The following CADPS variants were observed in gnomAD, a reference collection of about 807,000 sequenced individuals.
CADPS encodes calcium-dependent secretion activator 1.
Under a neutral mutation model 167.3 loss-of-function variants are expected in CADPS, and 57 were observed. That is an observed-to-expected ratio of 0.34 (90% CI 0.28 to 0.42). The LOEUF is 0.42. CADPS is among the 20% of genes least tolerant of loss of function. The pLI is 1.00. For synonymous variants in CADPS, 676 were observed against 635.3 expected (o/e 1.06, Z -0.96); for missense variants, 1,414 against 1,738.1 (o/e 0.81, Z 3.32).
chr3:62,603,396 T>C lies in CADPS; in HGVS notation c.1326-10648A>G, dbSNP rs192485430. 1.1e-3 allele frequency among the ~76,000 whole-genome samples: 160 copies of C among 152,352 alleles called. 4 individuals are homozygous for C. Among genetic ancestry groups the C allele is most frequent in the Admixed American group, 0.01 (159 of 15,306 alleles). On this transcript the variant is annotated intron_variant, in intron 6 of 29. Transcript: ENST00000383710. ...AGGACAGAGACCAAGTCCATCTTAC[T>C]TATTGTTATATTCCAGTTGTTTAGC...
chr3:62,548,489 A>G (rs2076847296), intron 11 of CADPS, among the ~76,000 whole-genome samples: 1 of 152,234 alleles, frequency 6.6e-6, no homozygotes, highest in Non-Finnish European at 1.5e-5. Context: ...TCCTGGGAGC[A>G]TCTGATAGAC....
chr3:62,751,666 C>A (rs1369418652), intron 3 of CADPS, among the ~76,000 whole-genome samples: 1 of 152,088 alleles, frequency 6.6e-6, no homozygotes, highest in East Asian at 1.9e-4. Context: ...GGTAATCCAC[C>A]CGTCTTAGCC....
intron 1 of CADPS, among the ~76,000 whole-genome samples, chr3:62,808,135 A>G (rs1374886115): frequency 3.9e-5 from 6 of 152,104 alleles, no homozygotes; most frequent in African/African-American, 1.4e-4. Flanking sequence ...AGCCTCCCAA[A>G]GTGCTGGGAT....
At chr3:62,617,868 G>A (rs901276925) in intron 6 of CADPS, among the ~76,000 whole-genome samples, 17 of 152,112 alleles carry the variant, frequency 1.1e-4, no homozygotes, top group Admixed American at 7.9e-4. Context: ...GGCAAAGTTC[G>A]TGAACATCTG....
chr3:62,610,034 A>T (rs570481988), intron 6 of CADPS, among the ~76,000 whole-genome samples: 12 of 152,170 alleles, frequency 7.9e-5, no homozygotes, highest in African/African-American at 2.2e-4. Flanking sequence ...GGCTGTAGAG[A>T]GTCAAGACTG....
At chr3:62,661,814 C>A (rs1468506279) in intron 4 of CADPS, among the ~76,000 whole-genome samples, 1 of 151,968 alleles carries the variant, frequency 6.6e-6, no homozygotes, top group Non-Finnish European at 1.5e-5. Context: ...GAGATCTGAC[C>A]CACATTTAAG....
intron 23 of CADPS, among the ~76,000 whole-genome samples, chr3:62,476,776 T>G (rs2061378345): frequency 6.6e-6 from 1 of 152,202 alleles, no homozygotes. Flanking sequence ...GTGCACAGTT[T>G]AGGAACTGGT....
chr3:62,550,810 T>C (rs1382639320), intron 10 of CADPS: 3 of 456,552 alleles, frequency 6.6e-6, no homozygotes, highest in East Asian at 1.4e-4. Flanking sequence ...ATCCAATGAC[T>C]GATTAAAAGC....
At chr3:62,630,676 T>C (rs2065108274) in intron 6 of CADPS, among the ~76,000 whole-genome samples, 1 of 152,120 alleles carries the variant, frequency 6.6e-6, no homozygotes, top group African/African-American at 2.4e-5. Flanking sequence ...AGTATTCCTA[T>C]GAAGAAAATA....
chr3:62,862,198 G>A (rs1308874686), intron 1 of CADPS, among the ~76,000 whole-genome samples: 1 of 149,022 alleles, frequency 6.7e-6, no homozygotes, highest in East Asian at 2.0e-4. Flanking sequence ...TAAAAATATT[G>A]ATAGCATTGA....
chr3:62,453,573 G>A (rs2058336521), intron 26 of CADPS, among the ~76,000 whole-genome samples: 1 of 152,192 alleles, frequency 6.6e-6, no homozygotes, highest in South Asian at 2.1e-4. Flanking sequence ...TAAATTTTAA[G>A]TGCCAACTGA....
chr3:62,857,775 A>T (rs73844678), intron 1 of CADPS, among the ~76,000 whole-genome samples: 1 of 152,144 alleles, frequency 6.6e-6, no homozygotes, highest in African/African-American at 2.4e-5. Flanking sequence ...ATGTATTTCC[A>T]TATACTTTTC....
At chr3:62,806,929 C>T (rs2094131252) in intron 1 of CADPS, among the ~76,000 whole-genome samples, 3 of 152,138 alleles carry the variant, frequency 2.0e-5, no homozygotes, top group Admixed American at 2.0e-4. Context: ...TCCTCTCTAA[C>T]ATTTATAGTC....
rs2055514688 is a variant in CADPS at position 62,438,064 on chromosome 3, C to T, written c.3777+40G>A. 1 of 1,352,128 alleles carries T rather than the reference C, an allele frequency of 7.4e-7. No homozygotes were observed. Among genetic ancestry groups the T allele is most frequent in the Admixed American group, 1.7e-5 (1 of 58,252 alleles). 83.8% of individuals were successfully genotyped at this position (1,352,128 alleles called of 1,614,324 possible). ...CTTATTTTGTCACATTTTGGAGGGT[C>T]TCCTCCTTGGTTTTCAAGGAGGAGA... On this transcript the variant is annotated intron_variant, in intron 28 of 29. Transcript: ENST00000383710. This position sits in a 1 kb window ranked among gnomAD's most constrained non-coding sequence, Gnocchi z 4.7.
rs769597216 is a variant in CADPS at position 62,532,850 on chromosome 3, G to C, written c.2291+21C>G. The C allele has an allele frequency of 1.1e-5, 18 of 1,610,530 alleles. No individual in the cohort carries two copies. In the East Asian group the frequency reaches 4.0e-4, roughly 36 times the overall value. On this transcript the variant is annotated intron_variant, in intron 13 of 29. Coordinates refer to ENST00000383710, the MANE Select transcript of CADPS (RefSeq NM_003716.4). ...TGCCATTTCTTAAGGATCACCTCTAGACACACGAACACACACTTACCTGTT... is the reference window on the plus strand; with the variant it reads ...TGCCATTTCTTAAGGATCACCTCTACACACACGAACACACACTTACCTGTT...
intron 1 of CADPS, among the ~76,000 whole-genome samples, chr3:62,834,612 A>G (rs2075633730): frequency 8.5e-5 from 13 of 152,170 alleles, no homozygotes; most frequent in Admixed American, 7.9e-4. Flanking sequence ...CTATTACTGT[A>G]GAGAGTTCCT....
chr3:62,785,906 TTC>T (rs1346909836), intron 1 of CADPS, among the ~76,000 whole-genome samples: 4 of 145,536 alleles, frequency 2.7e-5, no homozygotes, highest in African/African-American at 1.0e-4. Context: ...AAAAACTCTT[TTC>T]AAAAAGAAAA....
In CADPS at chr3:62,653,289, A is replaced by G. The variant is rs188316992; in HGVS notation, c.970-2209T>C. On this transcript the variant is annotated intron_variant, in intron 4 of 29. Coordinates refer to ENST00000383710, the MANE Select transcript of CADPS (RefSeq NM_003716.4). ...CTCATGATGGAACTAGTGCCTGTAT[A>G]AAGGAGGCCTCGGAGAGCTGCTCAT... Among the ~76,000 whole-genome samples the G allele has an allele frequency of 4.7e-3, 714 of 152,214 alleles. 2 individuals carry two copies. Among genetic ancestry groups the G allele is most frequent in the Non-Finnish European group, 6.7e-3 (455 of 68,004 alleles).
At chr3:62,814,791 C>G (rs187571794) in intron 1 of CADPS, among the ~76,000 whole-genome samples, 19 of 152,290 alleles carry the variant, frequency 1.2e-4, no homozygotes, top group Admixed American at 1.1e-3. Flanking sequence ...CGAATTACCT[C>G]CATGAAACTT....
Sources: gnomAD v4.1 joint callset for allele counts (sites outside exome capture counted in the v4.1 genomes callset) on GRCh38, gnomAD v4.1.1 for gene constraint, Gnocchi (gnomAD v3.1) non-coding constraint, MANE v1.5 for transcripts, NCBI Gene and HGNC (gene_info 2026-07-23, HGNC 2026-07-21) for gene names.